The following CCDC57 variants were observed in gnomAD, a reference collection of about 807,000 sequenced individuals.
The protein encoded by CCDC57 is coiled-coil domain containing 57.
CCDC57 carries 118 observed loss-of-function variants against 118.9 expected under a neutral mutation model. That is an observed-to-expected ratio of 0.99 (90% confidence interval 0.86 to 1.16). CCDC57 has a LOEUF of 1.16. Ranked by LOEUF, CCDC57 falls within the 50% of genes most tolerant of loss-of-function variation. The pLI is 0.00. For synonymous variants in CCDC57, 527 were observed against 532.9 expected (o/e 0.99, Z 0.15); for missense variants, 1,300 against 1,320.7 (o/e 0.98, Z 0.24).
Position 82,179,207 on chromosome 17 carries a change from C to T in CCDC57, c.1212-18G>A, listed in dbSNP as rs375135435. 1.4e-5 allele frequency: 23 copies of T among 1,608,070 alleles called. No homozygotes were observed. In the Admixed American group the frequency reaches 1.7e-4, roughly 12 times the overall value. Reference sequence around the variant, plus strand: ...GCTTGTACCTAAGGACACGTCCAACCGCTCAGCATTAATGCTTCCTGAGGT... The same window carrying T: ...GCTTGTACCTAAGGACACGTCCAACTGCTCAGCATTAATGCTTCCTGAGGT... On this transcript the variant is annotated intron_variant, in intron 9 of 19. Coordinates refer to ENST00000665763, the Ensembl canonical transcript of CCDC57.
Position 82,172,506 on chromosome 17 carries a change from C to G in CCDC57, c.1729+132G>C. Reference sequence around the variant, plus strand: ...CAGTTTTCATACTTTGAGTTTATTACAGGGGATGTTAACTTATAGGACTCT... The same window carrying G: ...CAGTTTTCATACTTTGAGTTTATTAGAGGGGATGTTAACTTATAGGACTCT... On this transcript the variant is annotated intron_variant, in intron 12 of 19. Coordinates refer to ENST00000665763, the Ensembl canonical transcript of CCDC57. This position sits in a 1 kb window ranked among gnomAD's most constrained non-coding sequence, Gnocchi z 5.2. 1 of 717,344 alleles carries G rather than the reference C, an allele frequency of 1.4e-6. No individual in the cohort carries two copies. Among genetic ancestry groups the G allele is most frequent in the South Asian group, 1.7e-5 (1 of 59,476 alleles). 44.4% of individuals were successfully genotyped at this position (717,344 alleles called of 1,614,324 possible).
chr17:82,200,779 CT>C (rs1478044859), intron 3 of CCDC57, among the ~76,000 whole-genome samples: 5 of 151,274 alleles, frequency 3.3e-5, no homozygotes, highest in African/African-American at 1.2e-4. Flanking sequence ...GACAACACAG[CT>C]AAAAACTCTG....
chr17:82,183,995 G>A, intron 8 of CCDC57, 63 bp from the exon 8 acceptor site: 1 of 1,271,306 alleles, frequency 7.9e-7, no homozygotes, highest in Non-Finnish European at 1.1e-6. Context: ...CTCTTACACA[G>A]CACCCCCCAG....
At chr17:82,161,044 C>G (rs765288053) in intron 14 of CCDC57, among the ~76,000 whole-genome samples, 1 of 152,228 alleles carries the variant, frequency 6.6e-6, no homozygotes, top group Admixed American at 6.5e-5. Flanking sequence ...GGGATCCACA[C>G]GGATGTTTCT....
chr17:82,194,126 T>G (rs750427533), exon 6 of CCDC57: 2 of 1,613,142 alleles, frequency 1.2e-6, no homozygotes, highest in Non-Finnish European at 1.7e-6. Flanking sequence ...CAGCTCTTTG[T>G]GCAGTAGTTT....
At chr17:82,148,055 T>G (rs1598902528) in intron 16 of CCDC57, among the ~76,000 whole-genome samples, 2 of 107,128 alleles carry the variant, frequency 1.9e-5, no homozygotes, top group African/African-American at 3.9e-5. Context: ...GGTGGGTGGG[T>G]GGATGGATGG....
chr17:82,166,346 CAAA>C (rs11077980), intron 13 of CCDC57, among the ~76,000 whole-genome samples: 5 of 126,412 alleles, frequency 4.0e-5, no homozygotes, highest in African/African-American at 5.8e-5. Context: ...CCCATCTCTA[CAAA>C]AAAAAAAAAA....
At chr17:82,138,370 G>C (rs561516532) in intron 16 of CCDC57, among the ~76,000 whole-genome samples, 2 of 151,360 alleles carry the variant, frequency 1.3e-5, no homozygotes, top group Non-Finnish European at 2.9e-5. Flanking sequence ...GGATGGTCTC[G>C]ATCTCCTGAC....
intron 13 of CCDC57, among the ~76,000 whole-genome samples, chr17:82,165,488 A>G (rs1270801227): frequency 7.0e-6 from 1 of 143,464 alleles, no homozygotes; most frequent in Non-Finnish European, 1.5e-5. Context: ...AGCTCAGACC[A>G]AAAAAAAAAA....
chr17:82,147,561 GTGGGTGGGTGTACGAATGGATGGATGGA>G (rs1428547450), intron 16 of CCDC57, among the ~76,000 whole-genome samples: 3 of 142,852 alleles, frequency 2.1e-5, no homozygotes, highest in African/African-American at 5.2e-5. Flanking sequence ...AGATGGATGG[GTGGGTGGGTGTACGAATGGATGGATGGA>G]TGGGTGGGTG....
chr17:82,137,816 G>T (rs2145492857), intron 16 of CCDC57, among the ~76,000 whole-genome samples: 1 of 151,562 alleles, frequency 6.6e-6, no homozygotes, highest in East Asian at 2.0e-4. Context: ...TGGGATTACA[G>T]GCACCCGCCA....
rs372123831 is a variant in CCDC57, at chr17:82,177,938, AC to A, written c.1506+535del. Among the ~76,000 whole-genome samples the A allele has an allele frequency of 8.0e-3, 1,216 of 152,176 alleles. 21 individuals carry two copies. The highest frequency in any genetic ancestry group is 0.028 in the African/African-American group (1,167 of 41,518). ...CTCCCCCAGCCTCCTACAGCCCTGC[AC>A]CCCGCTTCCCTCTGCCTGTGGACCC... is the stretch of plus-strand genomic sequence containing the variant. On this transcript the variant is annotated intron_variant, in intron 11 of 19. Transcript: ENST00000665763.
chr17:82,157,693 C>T (rs750414533), intron 15 of CCDC57, 55 bp downstream of exon 14: 13 of 1,534,894 alleles, frequency 8.5e-6, no homozygotes, highest in Admixed American at 7.9e-5. Context: ...CAGGCAAGGA[C>T]GGTTTCTGTG....
intron 19 of CCDC57, among the ~76,000 whole-genome samples, chr17:82,110,090 A>G (rs1330396786): frequency 2.7e-5 from 4 of 149,376 alleles, no homozygotes; most frequent in African/African-American, 7.4e-5. Flanking sequence ...AAGCAATTCT[A>G]CTGCCTCAGC....
At chr17:82,107,644 G>T (rs1485987948) in intron 19 of CCDC57, 1 of 467,518 alleles carries the variant, frequency 2.1e-6, no homozygotes, top group Non-Finnish European at 4.4e-6. Context: ...GAGAAGGAGG[G>T]CAGCCTGGGT....
chr17:82,103,167 A>T (rs923936689), intron 19 of CCDC57, among the ~76,000 whole-genome samples: 1 of 152,214 alleles, frequency 6.6e-6, no homozygotes, highest in African/African-American at 2.4e-5. Flanking sequence ...CGCAGTGCCC[A>T]TGGGGGCAGC....
Position 82,118,041 on chromosome 17 carries a change from C to A in CCDC57, c.2899+9651G>T, listed in dbSNP as rs2036156439. ...CAAAACAAAGGGAGGTGAGCCGATG[C>A]GGCGGCTCACAAAACTACCAGAAAG... On this transcript the variant is annotated intron_variant, in intron 19 of 19. Transcript: ENST00000665763. The surrounding 1 kb of genome is among the most constrained non-coding windows in gnomAD (Gnocchi z 4.7). Among the ~76,000 whole-genome samples, 1 of 152,162 alleles carries A rather than the reference C, an allele frequency of 6.6e-6. No individual in the cohort carries two copies. Among genetic ancestry groups the A allele is most frequent in the East Asian group, 1.9e-4 (1 of 5,202 alleles).
At chr17:82,193,922 C>G in intron 6 of CCDC57, 60 bp downstream of exon 5, 1 of 1,579,200 alleles carries the variant, frequency 6.3e-7, no homozygotes, top group Middle Eastern at 1.7e-4. Context: ...CCCCCAGACT[C>G]CAGTCCTGGC....
chr17:82,163,802 C>T (rs1459209701), intron 13 of CCDC57, among the ~76,000 whole-genome samples: 2 of 152,286 alleles, frequency 1.3e-5, no homozygotes, highest in East Asian at 3.9e-4. Flanking sequence ...AGCTGTCCTT[C>T]CAAGAATAAT....
Sources: allele counts gnomAD v4.1 joint callset (sites outside exome capture counted in the v4.1 genomes callset), GRCh38; gene constraint gnomAD v4.1.1; non-coding constraint Gnocchi (gnomAD v3.1); transcripts MANE v1.5; gene names NCBI Gene and HGNC (gene_info 2026-07-23, HGNC 2026-07-21).